USP32: variants seen among roughly 807,000 people sequenced by gnomAD.
USP32 encodes the protein ubiquitin specific peptidase 32.
Under a neutral mutation model 204.8 loss-of-function variants are expected in USP32, and 59 were observed. The ratio of observed to expected loss-of-function variants is 0.29; its 90% CI spans 0.23 to 0.36. The LOEUF is 0.36. Ranked by LOEUF, USP32 falls within the 10% of genes least tolerant of loss-of-function variation. The pLI is 1.00. For missense variants in USP32, 1,160 were observed against 1,946.4 expected (o/e 0.60, Z 7.60); for synonymous variants, 517 against 678.4 (o/e 0.76, Z 3.70).
In USP32 at chr17:60,219,627, C is replaced by A. The variant is rs772016924; in HGVS notation, c.1867+43G>T. On this transcript the variant is annotated intron_variant, in intron 16 of 33. Coordinates refer to ENST00000300896, the MANE Select transcript of USP32 (RefSeq NM_032582.4). ...GTATTCTTGCTGCATTCTTAAGTTA[C>A]CTCTCGGTAAATGCTGAGGAAACAT... is the stretch of plus-strand genomic sequence containing the variant. The A allele has an allele frequency of 1.8e-5, 24 of 1,335,932 alleles. 1 individual carries two copies. In the South Asian group the frequency reaches 2.8e-4, roughly 16 times the overall value. The allele number at this position is 1,335,932 out of a possible 1,614,324, so 82.8% of individuals were successfully genotyped here. A position where few individuals can be genotyped will look rare whatever the true frequency, so the allele number is the denominator to read the frequency against.
rs186233365 is a variant in USP32, at chr17:60,283,542, G to A, written c.571+4981C>T. On this transcript the variant is annotated intron_variant, in intron 5 of 33. Coordinates refer to ENST00000300896, the MANE Select transcript of USP32 (RefSeq NM_032582.4). ...CAAGAAAGAAAGATGCAAGAAATAT[G>A]TCTGAGTTAAGATGGATAGAATCTA... Among the ~76,000 whole-genome samples the A allele has an allele frequency of 7.9e-5, 12 of 152,268 alleles. No individual in the cohort carries two copies. In the East Asian group the frequency reaches 2.3e-3, roughly 29 times the overall value.
chr17:60,198,185 A>G, intron 27 of USP32, 75 bp downstream of exon 27: 1 of 1,540,922 alleles, frequency 6.5e-7, no homozygotes, highest in Non-Finnish European at 8.8e-7. Flanking sequence ...GGGTCCTATC[A>G]GTCATGTAGA....
chr17:60,345,783 A>G (rs1432824095), intron 1 of USP32, among the ~76,000 whole-genome samples, 175 bp from the exon 2 acceptor site: 3 of 152,144 alleles, frequency 2.0e-5, no homozygotes, highest in Non-Finnish European at 1.5e-5. Context: ...GGAGTTCAAG[A>G]TCAGCCTGGA....
At chr17:60,319,931 A>G (rs893054899) in intron 2 of USP32, among the ~76,000 whole-genome samples, 1 of 152,182 alleles carries the variant, frequency 6.6e-6, no homozygotes, top group Non-Finnish European at 1.5e-5. Flanking sequence ...ATTTTATTTA[A>G]GGGACTTGAG....
intron 9 of USP32, among the ~76,000 whole-genome samples, chr17:60,257,349 AG>A (rs2086337239): frequency 6.6e-6 from 1 of 152,230 alleles, no homozygotes; most frequent in Non-Finnish European, 1.5e-5. Flanking sequence ...GGGGGGAGTC[AG>A]TATGAAACAC....
intron 31 of USP32, among the ~76,000 whole-genome samples, chr17:60,182,611 A>G (rs1029319421): frequency 1.3e-5 from 2 of 151,968 alleles, no homozygotes; most frequent in African/African-American, 4.8e-5. Flanking sequence ...AAAAATACAA[A>G]AATTAGCCAG....
intron 29 of USP32, among the ~76,000 whole-genome samples, chr17:60,186,995 A>G (rs182627427): frequency 5.9e-5 from 9 of 152,134 alleles, no homozygotes; most frequent in African/African-American, 2.2e-4. Flanking sequence ...CACAAGGCCC[A>G]CACTGACTGC....
chr17:60,365,259 T>A (rs1389116116), intron 1 of USP32, among the ~76,000 whole-genome samples: 1 of 152,032 alleles, frequency 6.6e-6, no homozygotes, highest in Admixed American at 6.6e-5. Flanking sequence ...GGCGGGTGGA[T>A]CATGAGGTTA....
At chr17:60,271,292 GA>G in intron 6 of USP32, 57 bp downstream of exon 6, 1 of 1,580,124 alleles carries the variant, frequency 6.3e-7, no homozygotes, top group East Asian at 2.3e-5. Context: ...TTACAAATAT[GA>G]GATGGGCTCA....
chr17:60,199,613 T>A (rs13380875), intron 26 of USP32, among the ~76,000 whole-genome samples: 3,206 of 152,258 alleles, frequency 0.021, 134 homozygotes, highest in African/African-American at 0.073. Context: ...GTTAGCTAGT[T>A]TCTAAGTAAA....
Position 60,364,457 on chromosome 17 carries a change from G to A in USP32, c.59-18849C>T, listed in dbSNP as rs76795676. Among the ~76,000 whole-genome samples, 328 of 152,218 alleles carry A rather than the reference G, an allele frequency of 2.2e-3. 2 individuals carry two copies. Among genetic ancestry groups the A allele is most frequent in the African/African-American group, 7.6e-3 (314 of 41,536 alleles). ...TGCGGTGGCGCGATGTCCACTCACC[G>A]CAACCTTTGCCTCCCAAGTTCAAGT... On this transcript the variant is annotated intron_variant, in intron 1 of 33. Transcript: ENST00000300896.
At chr17:60,367,731 C>A in intron 1 of USP32, among the ~76,000 whole-genome samples, 1 of 152,140 alleles carries the variant, frequency 6.6e-6, no homozygotes, top group Non-Finnish European at 1.5e-5. Context: ...TCACTTGAAC[C>A]TGGGAGGCAG....
At chr17:60,413,861 CA>C (rs1307789444) in intron 1 of USP32, among the ~76,000 whole-genome samples, 285 of 31,710 alleles carry the variant, frequency 9.0e-3, no homozygotes, top group African/African-American at 0.026. Context: ...GATTCTGTCT[CA>C]AAAAAAAAAA....
chr17:60,262,161 T>G (rs2086468992), intron 9 of USP32, among the ~76,000 whole-genome samples: 1 of 152,132 alleles, frequency 6.6e-6, no homozygotes, highest in South Asian at 2.1e-4. Flanking sequence ...ACTGACTATA[T>G]GGCTTATTTA....
chr17:60,253,951 GATTA>G (rs2145717619), intron 10 of USP32, among the ~76,000 whole-genome samples: 1 of 152,162 alleles, frequency 6.6e-6, no homozygotes, highest in South Asian at 2.1e-4. Context: ...AGGCCTATCA[GATTA>G]TATATGTTTT....
intron 1 of USP32, among the ~76,000 whole-genome samples, chr17:60,366,953 A>G (rs1247275928): frequency 2.0e-5 from 3 of 151,926 alleles, no homozygotes; most frequent in Non-Finnish European, 4.4e-5. Flanking sequence ...CCTCCCGAGT[A>G]GCTGGGACTA....
chr17:60,218,050 A>G lies in USP32; in HGVS notation c.1867+1620T>C, dbSNP rs543111704. 3.0e-4 allele frequency among the ~76,000 whole-genome samples: 46 copies of G among 152,140 alleles called. 1 individual carries two copies. Among genetic ancestry groups the G allele is most frequent in the East Asian group, 1.2e-3 (6 of 5,194 alleles). ...CCATGCCCAGCCTCACTGTTCTTTG[A>G]TTTTGCTGTTTTCCCCAAAGACAAA... On this transcript the variant is annotated intron_variant, in intron 16 of 33. Transcript: ENST00000300896.
At chr17:60,363,899 T>TG (rs1356277066) in intron 1 of USP32, among the ~76,000 whole-genome samples, 4 of 151,726 alleles carry the variant, frequency 2.6e-5, no homozygotes, top group Admixed American at 2.0e-4. Flanking sequence ...AAGGAAGTGT[T>TG]GGGGGGGCAC....
chr17:60,210,443 C>T (rs187787795), intron 21 of USP32, among the ~76,000 whole-genome samples: 338 of 152,216 alleles, frequency 2.2e-3, no homozygotes, highest in African/African-American at 7.6e-3. Context: ...TCCCAAGTAG[C>T]TGGGATTACA....
Sources: allele counts gnomAD v4.1 joint callset (sites outside exome capture counted in the v4.1 genomes callset), GRCh38; gene constraint gnomAD v4.1.1; transcripts MANE v1.5; gene names NCBI Gene and HGNC (gene_info 2026-07-23, HGNC 2026-07-21).